ATRNL1: variants seen among roughly 807,000 people sequenced by gnomAD.
ATRNL1 encodes the protein attractin-like protein 1.
ATRNL1 carries 95 observed loss-of-function variants against 182.7 expected under a neutral mutation model. That is an observed-to-expected ratio of 0.52 (90% CI 0.44 to 0.62). ATRNL1 has a LOEUF of 0.62. ATRNL1 is among the 20% of genes least tolerant of loss of function. ATRNL1 has a pLI of 0.00. For synonymous variants in ATRNL1, 576 were observed against 568.3 expected, an observed-to-expected ratio of 1.01 and a Z score of -0.19; for missense variants, 1,471 against 1,679.5, an observed-to-expected ratio of 0.88 and a Z score of 2.17.
intron 28 of ATRNL1, among the ~76,000 whole-genome samples, chr10:115,912,118 A>T (rs1245784593): frequency 6.6e-6 from 1 of 152,232 alleles, no homozygotes; most frequent in Non-Finnish European, 1.5e-5. Context: ...GCCTAGTTCT[A>T]GAAGTCATCA....
chr10:115,709,181 A>G (rs1555053840), intron 26 of ATRNL1, among the ~76,000 whole-genome samples: 2 of 151,812 alleles, frequency 1.3e-5, no homozygotes, highest in Non-Finnish European at 1.5e-5. Flanking sequence ...AATAATTTGC[A>G]TATTTATTTG....
chr10:115,687,779 A>G (rs1272537248), intron 26 of ATRNL1, among the ~76,000 whole-genome samples: 5 of 152,068 alleles, frequency 3.3e-5, no homozygotes, highest in Non-Finnish European at 7.4e-5. Flanking sequence ...AGTATCAATC[A>G]TCTTGAATGT....
At chr10:115,420,335 C>T (rs1292010556) in intron 20 of ATRNL1, among the ~76,000 whole-genome samples, 6 of 152,026 alleles carry the variant, frequency 3.9e-5, no homozygotes, top group Admixed American at 1.3e-4. Context: ...TGAGCCATGG[C>T]GGCCTGGCCT....
chr10:115,337,628 TA>T (rs1554937129), intron 19 of ATRNL1, among the ~76,000 whole-genome samples: 1 of 152,184 alleles, frequency 6.6e-6, no homozygotes, highest in Non-Finnish European at 1.5e-5. Context: ...ATTCCGCAAA[TA>T]AGTGAGAACA....
chr10:115,578,481 T>C (rs1301170035), intron 26 of ATRNL1, among the ~76,000 whole-genome samples: 3 of 151,692 alleles, frequency 2.0e-5, no homozygotes, highest in African/African-American at 7.2e-5. Context: ...AGTCTTTATA[T>C]GTTGCATGTT....
intron 24 of ATRNL1, among the ~76,000 whole-genome samples, chr10:115,512,030 T>A (rs1367898532): frequency 6.6e-6 from 1 of 151,950 alleles, no homozygotes; most frequent in Non-Finnish European, 1.5e-5. Flanking sequence ...AAGGTGCATT[T>A]ATACTGGCTT....
chr10:115,244,151 A>G (rs997157897), intron 10 of ATRNL1, among the ~76,000 whole-genome samples: 7 of 152,288 alleles, frequency 4.6e-5, no homozygotes, highest in African/African-American at 1.7e-4. Flanking sequence ...GTGGTACACC[A>G]GGACATTTTT....
rs200694810 is a variant in ATRNL1 at position 115,559,443 on chromosome 10, T to TGTGCGCGCGC, written c.3795+9908_3795+9909insTGCGCGCGCG. Among the ~76,000 whole-genome samples the TGTGCGCGCGC allele has an allele frequency of 9.8e-3, 759 of 77,832 alleles. 13 individuals are homozygous for TGTGCGCGCGC. Among genetic ancestry groups the TGTGCGCGCGC allele is most frequent in the East Asian group, 0.065 (290 of 4,436 alleles). 51.1% of individuals were successfully genotyped at this position (77,832 alleles called of 152,430 possible). A position where few individuals can be genotyped will look rare whatever the true frequency, so the allele number is the denominator to read the frequency against. ...GTGTGTGTGTGTGTGTGTGTGTGTG[T>TGTGCGCGCGC]GCGCGCGCGCACGCACGCACATGCG... On this transcript the variant is annotated intron_variant, in intron 26 of 28. Coordinates refer to ENST00000355044, the MANE Select transcript of ATRNL1 (RefSeq NM_207303.4).
chr10:115,768,311 T>C (rs900854368), intron 27 of ATRNL1, among the ~76,000 whole-genome samples: 1 of 152,142 alleles, frequency 6.6e-6, no homozygotes, highest in Non-Finnish European at 1.5e-5. Context: ...CTATATAGTC[T>C]CTCTGCTGTT....
At chr10:115,319,914 G>T (rs930217831) in intron 18 of ATRNL1, among the ~76,000 whole-genome samples, 10 of 151,784 alleles carry the variant, frequency 6.6e-5, no homozygotes, top group African/African-American at 2.4e-4. Context: ...ACTGTTATGT[G>T]TGAATTTGAT....
At chr10:115,156,976 G>T (rs1177560459) in intron 5 of ATRNL1, among the ~76,000 whole-genome samples, 1 of 152,048 alleles carries the variant, frequency 6.6e-6, no homozygotes, top group Non-Finnish European at 1.5e-5. Flanking sequence ...AGAGAGGGAT[G>T]ACGAGAGGTT....
intron 26 of ATRNL1, among the ~76,000 whole-genome samples, chr10:115,617,285 T>C (rs568486416): frequency 3.3e-5 from 5 of 152,226 alleles, no homozygotes; most frequent in Admixed American, 2.0e-4. Flanking sequence ...GGCCAATTTC[T>C]CCATACTGGA....
intron 4 of ATRNL1, among the ~76,000 whole-genome samples, chr10:115,128,696 G>T (rs1403726843): frequency 6.6e-6 from 1 of 151,846 alleles, no homozygotes; most frequent in Admixed American, 6.6e-5. Context: ...GCATGGTGGC[G>T]GGCGCCTGTA....
At chr10:115,749,005 T>C (rs1555069953) in intron 27 of ATRNL1, among the ~76,000 whole-genome samples, 2 of 151,966 alleles carry the variant, frequency 1.3e-5, no homozygotes, top group East Asian at 3.9e-4. Context: ...ATTTTCAATA[T>C]AATCACAATG....
At chr10:115,497,996 ATGAG>A (rs1849637965) in intron 24 of ATRNL1, among the ~76,000 whole-genome samples, 1 of 152,284 alleles carries the variant, frequency 6.6e-6, no homozygotes, top group African/African-American at 2.4e-5. Context: ...GAAATTATCT[ATGAG>A]TGAGTGAAAA....
chr10:115,184,869 A>G (rs1847882504), intron 8 of ATRNL1, among the ~76,000 whole-genome samples: 1 of 151,980 alleles, frequency 6.6e-6, no homozygotes, highest in African/African-American at 2.4e-5. Context: ...GTATTTGACT[A>G]TGTGCTCTCA....
chr10:115,141,563 T>C (rs568351815), intron 5 of ATRNL1, among the ~76,000 whole-genome samples: 2 of 152,166 alleles, frequency 1.3e-5, no homozygotes, highest in Non-Finnish European at 2.9e-5. Context: ...CTCAAACTCA[T>C]GAATATTTTA....
At position 115,394,835 on chromosome 10, in the gene ATRNL1, G is replaced by C. The variant is rs1040746139; in HGVS notation, c.3269+83G>C. 7 of 1,074,754 alleles carry C rather than the reference G, an allele frequency of 6.5e-6. No homozygotes were observed. In the African/African-American group the frequency reaches 1.1e-4, roughly 17 times the overall value. The allele number at this position is 1,074,754 out of a possible 1,614,324, so 66.6% of individuals were successfully genotyped here. Reference sequence around the variant, plus strand: ...TTTTTATGTTTTACTTTTTAATTTAGTGTTGTGCTAGTTAGGCATACCTTT... The same window carrying C: ...TTTTTATGTTTTACTTTTTAATTTACTGTTGTGCTAGTTAGGCATACCTTT... On this transcript the variant is annotated intron_variant, in intron 20 of 28. Transcript: ENST00000355044.
chr10:115,361,396 A>G (rs1327926830), intron 19 of ATRNL1, among the ~76,000 whole-genome samples: 1 of 151,922 alleles, frequency 6.6e-6, no homozygotes, highest in Non-Finnish European at 1.5e-5. Flanking sequence ...TCCAGCCATA[A>G]CTGTGGAAGC....
Sources: allele counts gnomAD v4.1 joint callset (sites outside exome capture counted in the v4.1 genomes callset), GRCh38; gene constraint gnomAD v4.1.1; transcripts MANE v1.5; gene names NCBI Gene and HGNC (gene_info 2026-07-23, HGNC 2026-07-21).